KCNN2: variants seen among roughly 807,000 people sequenced by gnomAD.
KCNN2 encodes the protein potassium calcium-activated channel subfamily N member 2, also known as small conductance calcium-activated potassium channel protein 2.
Under a neutral mutation model 55.5 loss-of-function variants are expected in KCNN2, and 24 were observed. The observed-to-expected ratio is 0.43, with a 90% confidence interval of 0.31 to 0.61. The LOEUF is 0.61. Ranked by LOEUF, KCNN2 falls within the 20% of genes least tolerant of loss-of-function variation. The pLI is 0.08. For synonymous variants in KCNN2, 431 were observed against 336.1 expected (o/e 1.28, Z -3.09); for missense variants, 754 against 853.6 (o/e 0.88, Z 1.45).
chr5:114,376,827 AAT>A (rs1420409605), intron 2 of KCNN2, among the ~76,000 whole-genome samples: 1 of 152,216 alleles, frequency 6.6e-6, no homozygotes, highest in Non-Finnish European at 1.5e-5. Context: ...TTATACCTGT[AAT>A]CTCAATGCTT....
chr5:114,479,359 T>A (rs1370323088), intron 5 of KCNN2, among the ~76,000 whole-genome samples: 5 of 152,034 alleles, frequency 3.3e-5, no homozygotes, highest in Non-Finnish European at 5.9e-5. Flanking sequence ...ACAAAAGAGT[T>A]AACTATTCTA....
chr5:114,416,265 C>G (rs1759300797), intron 3 of KCNN2, among the ~76,000 whole-genome samples: 1 of 152,126 alleles, frequency 6.6e-6, no homozygotes, highest in Non-Finnish European at 1.5e-5. Context: ...TTTTTGTTTT[C>G]TCTCCTAGTT....
At chr5:114,245,982 A>T (rs1193648979) in intron 2 of KCNN2, among the ~76,000 whole-genome samples, 1 of 152,210 alleles carries the variant, frequency 6.6e-6, no homozygotes, top group African/African-American at 2.4e-5. Flanking sequence ...ACCCTCAGGG[A>T]TATTAGACAT....
upstream of KCNN2, among the ~76,000 whole-genome samples, chr5:114,358,669 TTTC>T (rs1344113308): frequency 1.3e-5 from 2 of 152,208 alleles, no homozygotes; most frequent in East Asian, 1.9e-4. Flanking sequence ...TCCCCCAATG[TTTC>T]TTCATTTCCT....
intron 2 of KCNN2, among the ~76,000 whole-genome samples, chr5:114,334,512 T>A (rs1756887968): frequency 6.6e-6 from 1 of 152,114 alleles, no homozygotes. Context: ...CATACACACA[T>A]GCATATATAT....
intron 2 of KCNN2, among the ~76,000 whole-genome samples, chr5:114,254,990 T>C (rs1000652861): frequency 3.3e-4 from 50 of 152,216 alleles, no homozygotes; most frequent in Admixed American, 3.1e-3. Flanking sequence ...TAAGAATTCA[T>C]TGGCCTCATC....
chr5:114,219,047 G>C (rs78598680), intron 1 of KCNN2, among the ~76,000 whole-genome samples: 4,533 of 152,246 alleles, frequency 0.03, 226 homozygotes, highest in African/African-American at 0.1. Context: ...AACTCCTTGT[G>C]GGAGGGAGCA....
At chr5:114,119,863 G>A (rs1751790672) in intron 1 of KCNN2, among the ~76,000 whole-genome samples, 1 of 152,134 alleles carries the variant, frequency 6.6e-6, no homozygotes, top group South Asian at 2.1e-4. Context: ...AAAGACTGAG[G>A]CAGACTTACT....
intron 1 of KCNN2, among the ~76,000 whole-genome samples, chr5:114,111,963 C>A (rs1322163565): frequency 2.6e-5 from 4 of 152,152 alleles, no homozygotes; most frequent in Non-Finnish European, 5.9e-5. Flanking sequence ...TTTGACCCAG[C>A]CATCCCATTA....
chr5:114,379,494 A>G (rs1758040302), intron 2 of KCNN2, among the ~76,000 whole-genome samples: 1 of 114,498 alleles, frequency 8.7e-6, no homozygotes, highest in South Asian at 2.5e-4. Context: ...AATATATTAT[A>G]TAACATATTA....
chr5:114,434,051 G>A (rs1759909820), intron 3 of KCNN2: 1 of 151,998 alleles, frequency 6.6e-6, no homozygotes, highest in African/African-American at 2.4e-5. Context: ...TTTATTTTCT[G>A]TTCATTGCCC....
chr5:114,170,990 C>T lies in KCNN2; in HGVS notation c.-270-50490C>T, dbSNP rs114095447. Among the ~76,000 whole-genome samples, 790 of 152,098 alleles carry T rather than the reference C, an allele frequency of 5.2e-3. 5 individuals carry two copies. The highest frequency in any genetic ancestry group is 0.017 in the African/African-American group (724 of 41,536). On this transcript the variant is annotated intron_variant, in intron 1 of 10. Coordinates refer to the KCNN2 transcript ENST00000512097. ...AGTGTATTTCACTTTTGGCTTCAGTCTGGGAGGCTCAAAATTATATTTGTT... is the reference window on the plus strand; with the variant it reads ...AGTGTATTTCACTTTTGGCTTCAGTTTGGGAGGCTCAAAATTATATTTGTT...
At chr5:114,056,697 G>C (rs939090697) in intron 1 of KCNN2, among the ~76,000 whole-genome samples, 3 of 152,082 alleles carry the variant, frequency 2.0e-5, no homozygotes, top group African/African-American at 4.8e-5. Flanking sequence ...GCTATATTCA[G>C]CATTTGAGAG....
At chr5:114,487,276 A>G (rs750322942) in intron 6 of KCNN2, 99 bp downstream of exon 6, 99 of 1,096,898 alleles carry the variant, frequency 9.0e-5, no homozygotes, top group Non-Finnish European at 1.2e-4. Context: ...AAAAGAAAAC[A>G]TTGTCATGTT....
chr5:114,478,777 T>A lies in KCNN2; in HGVS notation c.1890+5613T>A, dbSNP rs545431598. On this transcript the variant is annotated intron_variant, in intron 5 of 7. Transcript: ENST00000673685. ...TTCTTAAAGAATTTCCAACCTAGAA[T>A]TTCGTTATCTGGCCAAACTAAGCTT... 2.0e-5 allele frequency among the ~76,000 whole-genome samples: 3 copies of A among 152,264 alleles called. No homozygotes were observed. In the East Asian group the frequency reaches 5.8e-4, roughly 29 times the overall value.
chr5:114,158,144 A>G (rs79909859), intron 1 of KCNN2, among the ~76,000 whole-genome samples: 63,281 of 150,630 alleles, frequency 0.42, 14,218 homozygotes, highest in Middle Eastern at 0.55. Context: ...TAGGTCTAAC[A>G]TGTAAGTCTT....
At chr5:114,278,481 C>T (rs1755540305) in intron 2 of KCNN2, among the ~76,000 whole-genome samples, 1 of 152,236 alleles carries the variant, frequency 6.6e-6, no homozygotes, top group African/African-American at 2.4e-5. Context: ...GGCAATACGC[C>T]TTGCTGAGCT....
At chr5:114,433,728 A>G (rs147422881) in intron 3 of KCNN2, 4,229 of 152,618 alleles carry the variant, frequency 0.028, 170 homozygotes, top group African/African-American at 0.093. Context: ...GAGCTGTAAC[A>G]CTCACGGCGA....
chr5:114,363,782 C>G, intron 1 of KCNN2, 124 bp from the exon 2 acceptor site: 1 of 680,998 alleles, frequency 1.5e-6, no homozygotes, highest in Non-Finnish European at 2.6e-6. Flanking sequence ...AGGTGCACCC[C>G]TCTCCCCTTA....
Sources: gnomAD v4.1 joint callset for allele counts (sites outside exome capture counted in the v4.1 genomes callset) on GRCh38, gnomAD v4.1.1 for gene constraint, MANE v1.5 for transcripts, NCBI Gene and HGNC (gene_info 2026-07-23, HGNC 2026-07-21) for gene names.